The following RCOR1 variants were observed in gnomAD, a reference collection of about 807,000 sequenced individuals.
The protein encoded by RCOR1 is REST corepressor.
A neutral mutation model predicts 64.0 loss-of-function variants in RCOR1; 12 were observed. The ratio of observed to expected loss-of-function variants is 0.19; its 90% confidence interval spans 0.12 to 0.30. The LOEUF (loss-of-function observed/expected upper bound fraction) is 0.30. Among genes scored for constraint, RCOR1 ranks in the 10% least tolerant of loss-of-function variants. RCOR1 has a pLI of 1.00. For synonymous variants in RCOR1, 279 were observed against 227.2 expected (o/e 1.23, Z -2.05); for missense variants, 502 against 621.2 (o/e 0.81, Z 2.04).
At chr14:102,638,565 C>T (rs191259720) in intron 2 of RCOR1, among the ~76,000 whole-genome samples, 1 of 152,166 alleles carries the variant, frequency 6.6e-6, no homozygotes, top group African/African-American at 2.4e-5. Flanking sequence ...AGGCTGGTCT[C>T]GAACTCCTGA....
chr14:102,710,624 G>A (rs1323618758), intron 6 of RCOR1: 1 of 256,564 alleles, frequency 3.9e-6, no homozygotes, highest in Non-Finnish European at 7.3e-6. Context: ...ACATGTAAAT[G>A]CATTTTCATT....
rs1895633736 is a variant in RCOR1 at position 102,695,738 on chromosome 14, A to G, written c.446-5540A>G. 2.8e-5 allele frequency among the ~76,000 whole-genome samples: 4 copies of G among 143,404 alleles called. No homozygotes were observed. In the South Asian group the frequency reaches 8.8e-4, roughly 32 times the overall value. 94.1% of individuals were successfully genotyped at this position (143,404 alleles called of 152,430 possible). A position where few individuals can be genotyped will look rare whatever the true frequency, so the allele number is the denominator to read the frequency against. On this transcript the variant is annotated intron_variant, in intron 3 of 11. Transcript: ENST00000262241. ...TTTTTTTTTTTTTTTTTTAGTAGAG[A>G]CGGGGTTTCACCATGTTGGCCAGGC...
At position 102,715,290 on chromosome 14, in the gene RCOR1, C is replaced by T. The variant is rs371187422; in HGVS notation, c.1053+673C>T. 2.8e-3 allele frequency among the ~76,000 whole-genome samples: 431 copies of T among 151,316 alleles called. 2 individuals carry two copies. The highest frequency in any genetic ancestry group is 7.6e-3 in the African/African-American group (314 of 41,144). On this transcript the variant is annotated intron_variant, in intron 8 of 11. Transcript: ENST00000262241. ...GTTTTACCATGTTAGCCAGGATGGT[C>T]TCGATCTCCTGATCTCATGATCCAC...
At chr14:102,721,269 C>A in intron 9 of RCOR1, 51 bp from the exon 10 acceptor site, 1 of 1,482,944 alleles carries the variant, frequency 6.7e-7, no homozygotes, top group Non-Finnish European at 9.4e-7. Flanking sequence ...CTCATAAGGA[C>A]ATACTCATCT....
At chr14:102,644,604 C>G (rs1382645069) in intron 2 of RCOR1, among the ~76,000 whole-genome samples, 1 of 152,234 alleles carries the variant, frequency 6.6e-6, no homozygotes, top group Non-Finnish European at 1.5e-5. Flanking sequence ...TCACCTGAAT[C>G]AAGCCCAGTT....
At chr14:102,656,298 C>G (rs1894722503) in intron 2 of RCOR1, 2 of 173,436 alleles carry the variant, frequency 1.2e-5, no homozygotes, top group South Asian at 3.9e-4. Flanking sequence ...TGCCACCACA[C>G]TCAGCTAATT....
rs34851392 is a variant in RCOR1, at chr14:102,727,309, G to T, written c.*803G>T. The T allele has an allele frequency of 0.11, 8,820 of 80,278 alleles. 413 individuals carry two copies. Among genetic ancestry groups the T allele is most frequent in the African/African-American group, 0.23 (5,455 of 23,438 alleles). 5.0% of individuals were successfully genotyped at this position (80,278 alleles called of 1,614,324 possible). ...CCCCCCACCCCCCCACCTCCAAGAGGTTCGGCCCACATCACTGTACCTGGT... is the reference window on the plus strand; with the variant it reads ...CCCCCCACCCCCCCACCTCCAAGAGTTTCGGCCCACATCACTGTACCTGGT... On this transcript the variant is annotated 3_prime_UTR_variant, in exon 12 of 12. Transcript: ENST00000262241.
intron 2 of RCOR1, among the ~76,000 whole-genome samples, chr14:102,644,905 T>C (rs1894449089): frequency 6.6e-6 from 1 of 152,206 alleles, no homozygotes; most frequent in Non-Finnish European, 1.5e-5. Context: ...TTGTTTTGTC[T>C]TCTGAGTTAC....
At chr14:102,630,599 G>A (rs1287779927) in intron 2 of RCOR1, among the ~76,000 whole-genome samples, 1 of 152,194 alleles carries the variant, frequency 6.6e-6, no homozygotes, top group African/African-American at 2.4e-5. Context: ...CCTTCCCAGA[G>A]CTTCCTCGGA....
intron 2 of RCOR1, chr14:102,662,156 G>A (rs910281840): frequency 3.6e-5 from 14 of 392,260 alleles, no homozygotes; most frequent in Admixed American, 9.7e-5. Flanking sequence ...GTCATTAAAT[G>A]TACATACTTC....
chr14:102,632,650 TTTCCTTTCCTTTCCTTTCCTTTCCTTTC>T (rs1894141908), intron 2 of RCOR1, among the ~76,000 whole-genome samples: 2 of 65,298 alleles, frequency 3.1e-5, no homozygotes, highest in African/African-American at 9.1e-5. Flanking sequence ...TTTCCTTTCC[TTTCCTTTCCTTTCCTTTCCTTTCCTTTC>T]CTTTTCCTTT....
chr14:102,723,383 C>T (rs1000401193), intron 11 of RCOR1, among the ~76,000 whole-genome samples: 1 of 152,134 alleles, frequency 6.6e-6, no homozygotes, highest in African/African-American at 2.4e-5. Context: ...AGCGTGGTGC[C>T]GCCACTCCAT....
chr14:102,729,626 A>G lies in RCOR1; in HGVS notation c.*3120A>G, dbSNP rs151075274. ...TAACAGCTTACTGGGGTGGACTCATAAAACAGTGGCTTTCTGTTCATCTAA... is the reference window on the plus strand; with the variant it reads ...TAACAGCTTACTGGGGTGGACTCATGAAACAGTGGCTTTCTGTTCATCTAA... On this transcript the variant is annotated 3_prime_UTR_variant, in exon 12 of 12. Coordinates refer to ENST00000262241, the MANE Select transcript of RCOR1 (RefSeq NM_015156.4). 0.018 allele frequency: 6,751 copies of G among 383,766 alleles called. 101 individuals carry two copies. Among genetic ancestry groups the G allele is most frequent in the African/African-American group, 0.029 (1,417 of 48,538 alleles). 23.8% of individuals were successfully genotyped at this position (383,766 alleles called of 1,614,324 possible).
At chr14:102,624,390 C>T (rs1016366636) in intron 2 of RCOR1, among the ~76,000 whole-genome samples, 1 of 151,780 alleles carries the variant, frequency 6.6e-6, no homozygotes, top group African/African-American at 2.4e-5. Context: ...CCTGTAATCC[C>T]AGCTACTTGG....
intron 8 of RCOR1, among the ~76,000 whole-genome samples, chr14:102,715,262 G>A (rs1341951880): frequency 1.3e-5 from 2 of 151,902 alleles, no homozygotes; most frequent in Non-Finnish European, 2.9e-5. Flanking sequence ...TAGTAGAGAC[G>A]GGGTTTTACC....
intron 2 of RCOR1, among the ~76,000 whole-genome samples, chr14:102,609,050 A>T (rs1466202536): frequency 0.012 from 690 of 59,804 alleles, 3 homozygotes; most frequent in Middle Eastern, 0.028. Flanking sequence ...TTTTTTTTTT[A>T]AATTTTTATT....
chr14:102,653,689 A>T (rs990619165), intron 2 of RCOR1, among the ~76,000 whole-genome samples: 4 of 151,804 alleles, frequency 2.6e-5, no homozygotes, highest in African/African-American at 4.8e-5. Context: ...CTCTCGGGCG[A>T]TCGGGTCGTC....
intron 2 of RCOR1, among the ~76,000 whole-genome samples, chr14:102,636,990 AAAACAAAACT>A (rs1894254663): frequency 6.6e-6 from 1 of 152,146 alleles, no homozygotes; most frequent in Admixed American, 6.5e-5. Flanking sequence ...AAAACAAAAC[AAAACAAAACT>A]CTTTGCATAT....
intron 2 of RCOR1, among the ~76,000 whole-genome samples, chr14:102,631,870 G>A (rs147146808): frequency 0.01 from 1,558 of 151,974 alleles, 16 homozygotes; most frequent in Admixed American, 0.015. Context: ...GCGCGATCTC[G>A]TCTCACTGCA....
Sources: allele counts gnomAD v4.1 joint callset (sites outside exome capture counted in the v4.1 genomes callset), GRCh38; gene constraint gnomAD v4.1.1; transcripts MANE v1.5; gene names NCBI Gene and HGNC (gene_info 2026-07-23, HGNC 2026-07-21).